The following PTPRK variants were observed in gnomAD, a reference collection of about 807,000 sequenced individuals.
PTPRK encodes receptor-type tyrosine-protein phosphatase kappa.
Under a neutral mutation model 178.0 loss-of-function variants are expected in PTPRK, and 75 were observed. The observed-to-expected ratio is 0.42, with a 90% confidence interval of 0.35 to 0.51. The LOEUF (loss-of-function observed/expected upper bound fraction) is 0.51, where lower values mean the gene tolerates loss of function less well. PTPRK is among the 20% of genes least tolerant of loss of function. PTPRK has a pLI of 0.02. For synonymous variants in PTPRK, 637 were observed against 620.6 expected, an observed-to-expected ratio of 1.03 and a Z score of -0.39; for missense variants, 1,441 against 1,797.8, an observed-to-expected ratio of 0.80 and a Z score of 3.59.
intron 1 of PTPRK, among the ~76,000 whole-genome samples, chr6:128,470,205 T>TACAAA (rs1850428344): frequency 6.6e-6 from 1 of 151,852 alleles, no homozygotes; most frequent in African/African-American, 2.4e-5. Flanking sequence ...GAACTCATGG[T>TACAAA]CTATTTCAGA....
At chr6:128,061,847 ATT>A (rs934823569) in intron 13 of PTPRK, among the ~76,000 whole-genome samples, 1 of 152,098 alleles carries the variant, frequency 6.6e-6, no homozygotes, top group African/African-American at 2.4e-5. Flanking sequence ...TGTATAATTC[ATT>A]TTTTTATATT....
chr6:128,210,363 C>T (rs755936035), intron 6 of PTPRK, among the ~76,000 whole-genome samples: 53 of 105,818 alleles, frequency 5.0e-4, no homozygotes, highest in African/African-American at 2.2e-3. Flanking sequence ...TAAATAACTC[C>T]GGAGGAAAAA....
chr6:128,038,000 G>T (rs1776511747), intron 13 of PTPRK, among the ~76,000 whole-genome samples: 1 of 152,070 alleles, frequency 6.6e-6, no homozygotes, highest in African/African-American at 2.4e-5. Context: ...AAAACCATAT[G>T]TTATTTATCA....
chr6:128,140,853 C>G (rs1180843732), intron 7 of PTPRK, among the ~76,000 whole-genome samples: 1 of 151,742 alleles, frequency 6.6e-6, no homozygotes, highest in African/African-American at 2.4e-5. Flanking sequence ...ATCTAATATC[C>G]CTTAAATGTG....
At chr6:128,357,681 T>TA (rs1235898223) in intron 2 of PTPRK, among the ~76,000 whole-genome samples, 55 of 152,340 alleles carry the variant, frequency 3.6e-4, no homozygotes, top group African/African-American at 1.2e-3. Context: ...TAATTATAAA[T>TA]ATTCATAGTC....
chr6:128,047,449 C>T (rs1778248796), intron 13 of PTPRK, among the ~76,000 whole-genome samples: 1 of 151,948 alleles, frequency 6.6e-6, no homozygotes, highest in Admixed American at 6.6e-5. Context: ...AAATGAATGC[C>T]CACATGTATA....
chr6:128,041,528 T>C (rs1308644838), intron 13 of PTPRK, among the ~76,000 whole-genome samples: 1 of 151,774 alleles, frequency 6.6e-6, no homozygotes, highest in Non-Finnish European at 1.5e-5. Flanking sequence ...ATTGGATAAA[T>C]ATAGAAAAAA....
intron 7 of PTPRK, among the ~76,000 whole-genome samples, chr6:128,105,210 C>T (rs923710127): frequency 4.0e-5 from 6 of 151,858 alleles, no homozygotes; most frequent in African/African-American, 7.2e-5. Flanking sequence ...CTCGGCTCAC[C>T]GCAAGCTCCG....
intron 13 of PTPRK, among the ~76,000 whole-genome samples, chr6:128,043,909 G>T (rs1777617134): frequency 6.6e-6 from 1 of 151,734 alleles, no homozygotes; most frequent in South Asian, 2.1e-4. Context: ...TTTAAGCACT[G>T]TTTTTTAATT....
intron 13 of PTPRK, among the ~76,000 whole-genome samples, chr6:128,018,064 C>T (rs2114750155): frequency 6.6e-6 from 1 of 151,536 alleles, no homozygotes; most frequent in East Asian, 1.9e-4. Flanking sequence ...AATCATTTTC[C>T]CATAACCCAA....
chr6:128,239,157 C>T (rs1248199170), intron 5 of PTPRK, among the ~76,000 whole-genome samples: 1 of 132,254 alleles, frequency 7.6e-6, no homozygotes, highest in Non-Finnish European at 1.5e-5. Context: ...TCTCTATTGG[C>T]ATTCTCATGA....
intron 1 of PTPRK, among the ~76,000 whole-genome samples, chr6:128,493,489 G>A (rs1418094487): frequency 6.6e-6 from 1 of 151,704 alleles, no homozygotes; most frequent in Admixed American, 6.6e-5. Context: ...GTGAACCCGG[G>A]AGGCAGAGCT....
intron 6 of PTPRK, among the ~76,000 whole-genome samples, chr6:128,208,356 AG>A (rs1318675076): frequency 2.6e-5 from 4 of 152,050 alleles, no homozygotes; most frequent in Non-Finnish European, 4.4e-5. Flanking sequence ...TGTAGGAAAA[AG>A]GTCCAGGAGC....
intron 15 of PTPRK, among the ~76,000 whole-genome samples, chr6:128,000,918 C>T (rs866248581): frequency 2.0e-5 from 3 of 151,952 alleles, no homozygotes; most frequent in Non-Finnish European, 2.9e-5. Context: ...ACCCATATTC[C>T]AAATCTTACA....
chr6:128,292,639 C>A (rs115225321), intron 3 of PTPRK, among the ~76,000 whole-genome samples: 1,607 of 152,158 alleles, frequency 0.011, 32 homozygotes, highest in African/African-American at 0.037. Flanking sequence ...TGACCTTCCT[C>A]CTCTTTTCCT....
Position 128,236,645 on chromosome 6 carries a change from C to T in PTPRK, c.693+3390G>A, listed in dbSNP as rs374449611. Among the ~76,000 whole-genome samples the T allele has an allele frequency of 3.7e-4, 57 of 152,216 alleles. No homozygotes were observed. In the South Asian group the frequency reaches 0.011, roughly 30 times the overall value. On this transcript the variant is annotated intron_variant, in intron 5 of 29. Transcript: ENST00000368226. ...TACAGGCGTGAGCCACTGCGCCCGA[C>T]CCTAAATTTCTTTTAGTGCATAAAT...
intron 7 of PTPRK, among the ~76,000 whole-genome samples, chr6:128,175,015 C>T (rs1242684491): frequency 6.6e-6 from 1 of 151,834 alleles, no homozygotes; most frequent in Non-Finnish European, 1.5e-5. Flanking sequence ...TACTTGTGAG[C>T]TACTGTAATC....
In PTPRK at chr6:128,083,711, A is replaced by G. The variant is rs1785235030; in HGVS notation, c.1575+4T>C. The G allele has an allele frequency of 1.9e-6, 3 of 1,547,934 alleles. No individual in the cohort carries two copies. In the African/African-American group the frequency reaches 4.1e-5, roughly 21 times the overall value. On this transcript the variant is annotated splice_donor_region_variant and intron_variant, in intron 9 of 29. Transcript: ENST00000368226. Reference sequence around the variant, plus strand: ...TTCAATTAACTTCCTTGTTCTCCCAATACCTCATATTGAGTGATGATTCCA... The same window carrying G: ...TTCAATTAACTTCCTTGTTCTCCCAGTACCTCATATTGAGTGATGATTCCA...
intron 13 of PTPRK, among the ~76,000 whole-genome samples, chr6:128,035,710 T>C (rs1305142946): frequency 2.0e-5 from 3 of 152,194 alleles, no homozygotes; most frequent in African/African-American, 4.8e-5. Context: ...TAAAGTTCTA[T>C]AGCAATGGTT....
Sources: gnomAD v4.1 joint callset for allele counts (sites outside exome capture counted in the v4.1 genomes callset) on GRCh38, gnomAD v4.1.1 for gene constraint, MANE v1.5 for transcripts, NCBI Gene and HGNC (gene_info 2026-07-23, HGNC 2026-07-21) for gene names.